The following GALK2 variants were observed in gnomAD, a reference collection of about 807,000 sequenced individuals.
GALK2 encodes galactokinase 2, also known as N-acetylgalactosamine kinase.
In GALK2, 36 loss-of-function variants were observed where a neutral mutation model predicts 52.4. The observed-to-expected ratio is 0.69, with a 90% CI of 0.53 to 0.91. The LOEUF (loss-of-function observed/expected upper bound fraction) is 0.91, where lower values mean the gene tolerates loss of function less well. Ranked by LOEUF, GALK2 falls within the 40% of genes least tolerant of loss-of-function variation. GALK2 has a pLI of 0.00. For missense variants in GALK2, 579 were observed against 559.1 expected (o/e 1.04, Z -0.36); for synonymous variants, 176 against 199.1 (o/e 0.88, Z 0.98).
intron 3 of GALK2, among the ~76,000 whole-genome samples, chr15:49,338,330 A>C (rs1405801459): frequency 6.6e-6 from 1 of 152,220 alleles, no homozygotes; most frequent in Non-Finnish European, 1.5e-5. Flanking sequence ...TGGTGGTGAC[A>C]AAATCTCTCA....
chr15:49,337,747 C>T (rs965913752), intron 3 of GALK2, among the ~76,000 whole-genome samples: 5 of 151,782 alleles, frequency 3.3e-5, no homozygotes, highest in Admixed American at 6.6e-5. Context: ...TCAATTCCCA[C>T]TTATGAGTGA....
At chr15:49,210,606 A>C (rs1426545227) in intron 2 of GALK2, among the ~76,000 whole-genome samples, 1 of 150,788 alleles carries the variant, frequency 6.6e-6, no homozygotes, top group African/African-American at 2.4e-5. Flanking sequence ...TGCTTGGCTA[A>C]TTTTTTGTAT....
intron 1 of GALK2, among the ~76,000 whole-genome samples, chr15:49,197,003 C>G (rs910124909): frequency 2.6e-5 from 4 of 152,172 alleles, no homozygotes; most frequent in African/African-American, 9.7e-5. Flanking sequence ...CACAGGATTG[C>G]CTGAGCCCAG....
intron 3 of GALK2, among the ~76,000 whole-genome samples, chr15:49,349,325 C>T (rs918500315): frequency 1.1e-4 from 17 of 152,064 alleles, no homozygotes; most frequent in African/African-American, 3.9e-4. Context: ...CATTTTAAAA[C>T]TCATCCTCCC....
At chr15:49,233,943 C>G (rs2090646782) in intron 3 of GALK2, among the ~76,000 whole-genome samples, 1 of 152,108 alleles carries the variant, frequency 6.6e-6, no homozygotes, top group African/African-American at 2.4e-5. Context: ...AGCCTTCTGC[C>G]TTTTACCTTT....
At chr15:49,334,476 T>C (rs2039350357), downstream of GALK2, among the ~76,000 whole-genome samples, 1 of 152,174 alleles carries the variant, frequency 6.6e-6, no homozygotes, top group Non-Finnish European at 1.5e-5. Flanking sequence ...TACAAACATA[T>C]GCCAAAGGTA....
intron 5 of GALK2, among the ~76,000 whole-genome samples, chr15:49,276,970 C>CTTTTTTTTTTTTT (rs1233754984): frequency 3.2e-4 from 9 of 28,300 alleles, no homozygotes; most frequent in East Asian, 2.5e-3. Context: ...TTTTTCTTTT[C>CTTTTTTTTTTTTT]TTTTTTTTTT....
intron 5 of GALK2, among the ~76,000 whole-genome samples, chr15:49,262,121 T>G (rs1302993703): frequency 6.6e-6 from 1 of 152,046 alleles, no homozygotes. Flanking sequence ...TTCTATTGAT[T>G]GGAATATTTT....
At chr15:49,228,698 T>TATTTTTA (rs2090328510) in intron 3 of GALK2, among the ~76,000 whole-genome samples, 1 of 80,180 alleles carries the variant, frequency 1.2e-5, no homozygotes, top group African/African-American at 5.4e-5. Flanking sequence ...TTTTTTTTTT[T>TATTTTTA]TTTTTTTTTT....
chr15:49,285,461 G>A (rs1031745325), intron 7 of GALK2, among the ~76,000 whole-genome samples: 5 of 152,130 alleles, frequency 3.3e-5, no homozygotes, highest in African/African-American at 4.8e-5. Flanking sequence ...GGCCTTGGTC[G>A]TCTTCTTCTT....
At chr15:49,332,487 T>C (rs907268096), downstream of GALK2, among the ~76,000 whole-genome samples, 3 of 152,056 alleles carry the variant, frequency 2.0e-5, no homozygotes, top group Admixed American at 6.6e-5. Flanking sequence ...TATGAAGGAC[T>C]TGAATGGTTG....
chr15:49,158,625 TA>T (rs1211492278), intron 1 of GALK2, among the ~76,000 whole-genome samples: 2 of 152,044 alleles, frequency 1.3e-5, no homozygotes, highest in East Asian at 1.9e-4. Context: ...CCCATACCAT[TA>T]AAAAAATACT....
chr15:49,201,159 C>G lies in GALK2; in HGVS notation c.54-3C>G. The G allele has an allele frequency of 6.4e-7, 1 of 1,558,588 alleles. No homozygotes were observed. Among genetic ancestry groups the G allele is most frequent in the Middle Eastern group, 1.7e-4 (1 of 5,944 alleles). The stretch of plus-strand genomic sequence containing the variant: ...TTCTGAAATATTGTACTTTTATTTT[C>G]AGGTTACTGAAGCTAAAGGAGATGT... On this transcript the variant is annotated splice_polypyrimidine_tract_variant and splice_region_variant and intron_variant, in intron 1 of 9. Transcript: ENST00000560031.
chr15:49,276,572 CTCTG>C (rs1296367990), intron 5 of GALK2, among the ~76,000 whole-genome samples: 2 of 152,224 alleles, frequency 1.3e-5, no homozygotes, highest in African/African-American at 4.8e-5. Context: ...TTGCAAGTCA[CTCTG>C]TCTGATTATA....
At chr15:49,155,904 C>A (rs2084432275) in exon 1 of GALK2, 3 of 1,401,826 alleles carry the variant, frequency 2.1e-6, no homozygotes, top group East Asian at 2.3e-5. Flanking sequence ...AAGGAGCAGT[C>A]TCCTCCCTTG....
intron 1 of GALK2, among the ~76,000 whole-genome samples, chr15:49,179,352 A>G (rs1050297110): frequency 5.9e-5 from 9 of 152,220 alleles, no homozygotes; most frequent in African/African-American, 1.2e-4. Context: ...AATTCATGTT[A>G]TAACCAATTG....
At chr15:49,192,487 A>ATG (rs2086815270) in intron 1 of GALK2, among the ~76,000 whole-genome samples, 1 of 23,892 alleles carries the variant, frequency 4.2e-5, no homozygotes, top group African/African-American at 1.9e-4. Flanking sequence ...ATATATATGT[A>ATG]TATATATATA....
At chr15:49,304,040 CA>C (rs2035341507) in intron 8 of GALK2, among the ~76,000 whole-genome samples, 1 of 152,178 alleles carries the variant, frequency 6.6e-6, no homozygotes, top group Non-Finnish European at 1.5e-5. Context: ...GAGGCTTCTG[CA>C]GATATAAGGA....
chr15:49,339,687 A>C (rs1023672804), intron 3 of GALK2, among the ~76,000 whole-genome samples: 3 of 152,172 alleles, frequency 2.0e-5, no homozygotes, highest in Non-Finnish European at 4.4e-5. Flanking sequence ...TAGAGCTGCC[A>C]AGTATGGACG....
Sources: gnomAD v4.1 joint callset for allele counts (sites outside exome capture counted in the v4.1 genomes callset) on GRCh38, gnomAD v4.1.1 for gene constraint, MANE v1.5 for transcripts, NCBI Gene and HGNC (gene_info 2026-07-23, HGNC 2026-07-21) for gene names.